TMEM183A: variants seen among roughly 807,000 people sequenced by gnomAD.
The protein encoded by TMEM183A is chromosome 1 open reading frame 37.
Under a neutral mutation model 46.7 loss-of-function variants are expected in TMEM183A, and 21 were observed. The ratio of observed to expected loss-of-function variants is 0.45; its 90% CI spans 0.32 to 0.65. The LOEUF (loss-of-function observed/expected upper bound fraction) is 0.65. Among genes scored for constraint, TMEM183A ranks in the 30% least tolerant of loss-of-function variants. The pLI is 0.04. For synonymous variants in TMEM183A, 165 were observed against 180.2 expected, an observed-to-expected ratio of 0.92 and a Z score of 0.68; for missense variants, 331 against 481.9, an observed-to-expected ratio of 0.69 and a Z score of 2.93.
intron 7 of TMEM183A, 75 bp downstream of exon 7, chr1:203,021,023 AGC>A: frequency 4.4e-6 from 5 of 1,129,680 alleles, no homozygotes; most frequent in East Asian, 3.6e-5. Flanking sequence ...GGTGAACCGC[AGC>A]TCTTTTTTTT....
chr1:203,014,032 C>T (rs893774574), intron 3 of TMEM183A, among the ~76,000 whole-genome samples: 1 of 152,148 alleles, frequency 6.6e-6, no homozygotes, highest in Non-Finnish European at 1.5e-5. Flanking sequence ...GGATTACAGG[C>T]GTGAGCCACT....
chr1:203,015,726 C>CT, intron 4 of TMEM183A: 1 of 542,048 alleles, frequency 1.8e-6, no homozygotes, highest in Non-Finnish European at 3.2e-6. Flanking sequence ...AGAGTTTGCT[C>CT]TTTTGTTCAG....
chr1:203,021,239 T>C (rs1012033480), intron 7 of TMEM183A, among the ~76,000 whole-genome samples: 4 of 152,144 alleles, frequency 2.6e-5, no homozygotes, highest in Non-Finnish European at 4.4e-5. Flanking sequence ...ACAGCGTTGC[T>C]GAGGCTTGTC....
At chr1:203,015,856 G>T in intron 4 of TMEM183A, 104 bp from the exon 5 acceptor site, 1 of 1,421,774 alleles carries the variant, frequency 7.0e-7, no homozygotes. Context: ...CTGGCCAGTG[G>T]AATAGTGCAG....
In TMEM183A at chr1:203,023,316, T is replaced by C. The variant is rs1171692560; in HGVS notation, c.*276T>C. 1 of 208,220 alleles carries C rather than the reference T, an allele frequency of 4.8e-6. No individual in the cohort carries two copies. 12.9% of individuals were successfully genotyped at this position (208,220 alleles called of 1,614,324 possible). On this transcript the variant is annotated 3_prime_UTR_variant, in exon 8 of 8. Transcript: ENST00000367242. Reference sequence around the variant, plus strand: ...TTGGTGCTATTGAGTTTGTTCTTTATTCTTTTATCCCAGTGAAAATTGTTG... The same window carrying C: ...TTGGTGCTATTGAGTTTGTTCTTTACTCTTTTATCCCAGTGAAAATTGTTG...
Position 203,007,677 on chromosome 1 carries a change from C to T in TMEM183A, c.110-97C>T, listed in dbSNP as rs112093936. 8.4e-6 allele frequency: 13 copies of T among 1,550,158 alleles called. No individual in the cohort carries two copies. In the African/African-American group the frequency reaches 9.5e-5, roughly 11 times the overall value. Reference sequence around the variant, plus strand: ...CGCTCGCGTGCCCGCGGCTGGAGGGCGGCTCGGTCCGGGGGCCTGCAGCGA... The same window carrying T: ...CGCTCGCGTGCCCGCGGCTGGAGGGTGGCTCGGTCCGGGGGCCTGCAGCGA... On this transcript the variant is annotated intron_variant, in intron 1 of 7. Coordinates refer to ENST00000367242, the MANE Select transcript of TMEM183A (RefSeq NM_138391.6).
At chr1:203,018,170 G>A (rs1424881756) in intron 5 of TMEM183A, among the ~76,000 whole-genome samples, 1 of 152,212 alleles carries the variant, frequency 6.6e-6, no homozygotes, top group Non-Finnish European at 1.5e-5. Context: ...CAGAGAGGAT[G>A]CTCCAGTCTC....
At chr1:203,010,501 T>C (rs1656466236) in intron 3 of TMEM183A, among the ~76,000 whole-genome samples, 1 of 152,186 alleles carries the variant, frequency 6.6e-6, no homozygotes, top group Non-Finnish European at 1.5e-5. Flanking sequence ...GGTCAAGATA[T>C]TCCAAAATGC....
intron 5 of TMEM183A, 97 bp from the exon 6 acceptor site, chr1:203,018,384 C>A: frequency 7.0e-7 from 1 of 1,424,542 alleles, no homozygotes; most frequent in South Asian, 1.4e-5. Context: ...TTAGAGCTGT[C>A]AAACAGAAAG....
At chr1:203,019,921 A>C (rs991985120) in intron 6 of TMEM183A, among the ~76,000 whole-genome samples, 6 of 146,436 alleles carry the variant, frequency 4.1e-5, no homozygotes, top group Non-Finnish European at 7.5e-5. Flanking sequence ...ATATGGCAAT[A>C]GGTTTATGGG....
intron 5 of TMEM183A, 113 bp from the exon 6 acceptor site, chr1:203,018,368 C>T: frequency 8.1e-7 from 1 of 1,229,478 alleles, no homozygotes; most frequent in Non-Finnish European, 1.1e-6. Context: ...GGGACCGTGG[C>T]TGGCTTTAGA....
intron 5 of TMEM183A, 100 bp downstream of exon 5, chr1:203,016,240 G>C (rs1345122592): frequency 7.8e-6 from 12 of 1,540,564 alleles, no homozygotes; most frequent in Non-Finnish European, 1.1e-5. Flanking sequence ...AGGGGTGTAG[G>C]TCCCAGGCTG....
In TMEM183A at chr1:203,008,796, G is replaced by A. The variant is rs1348689691; in HGVS notation, c.353G>A (p.Ser118Asn). 1 of 1,606,132 alleles carries A rather than the reference G, an allele frequency of 6.2e-7. No individual in the cohort carries two copies. The highest frequency in any genetic ancestry group is 2.3e-5 in the East Asian group (1 of 44,276). The change falls in exon 3 of 8, where the codon AGC (serine) becomes AAC (asparagine). Residue 118 changes from serine (S) to asparagine (N), a missense_variant. Physicochemically the swap from Ser to Asn is conservative, Grantham distance 46. This residue lies in a region of TMEM183A where 233 missense variants were observed against 385.8 expected (regional missense o/e 0.60). Transcript: ENST00000367242. ...HERTVSRKKKSKRHKEELDGA... is the reference protein window; with the variant it reads ...HERTVSRKKKNKRHKEELDGA... The stretch of plus-strand genomic sequence containing the variant: ...AGAACTGTCTCCAGAAAAAAGAAAA[G>A]CAAGAGACACAAAGGTATGGAGCTT...
chr1:203,013,809 G>A lies in TMEM183A; in HGVS notation c.368-1080G>A, dbSNP rs1201865566. ...ATTACAGGCGTGAGCCACCGTGCCC[G>A]GCCTAAGTGCCATCTCAGCTCACTG... is the stretch of plus-strand genomic sequence containing the variant. On this transcript the variant is annotated intron_variant, in intron 3 of 7. Transcript: ENST00000367242. This position sits in a 1 kb window ranked among gnomAD's most constrained non-coding sequence, Gnocchi z 4.0. 6.6e-6 allele frequency among the ~76,000 whole-genome samples: 1 copy of A among 151,680 alleles called. No individual in the cohort carries two copies. Among genetic ancestry groups the A allele is most frequent in the African/African-American group, 2.4e-5 (1 of 41,240 alleles).
In TMEM183A at chr1:203,020,689, G is replaced by A. The variant is rs74136931; in HGVS notation, c.790-104G>A. 6.8e-5 allele frequency: 94 copies of A among 1,379,978 alleles called. 1 individual carries two copies. The African/African-American group carries it at 1.2e-3, about 18-fold the overall frequency. The allele number at this position is 1,379,978 out of a possible 1,614,324, so 85.5% of individuals were successfully genotyped here. A position where few individuals can be genotyped will look rare whatever the true frequency, so the allele number is the denominator to read the frequency against. On this transcript the variant is annotated intron_variant, in intron 6 of 7. Transcript: ENST00000367242. ...ATGTATAAAGAGAGAAGATAAAAGT[G>A]TATCTCACTAGCTTTAGTTGAGCCA...
chr1:203,018,881 C>T (rs1351487554), intron 6 of TMEM183A, among the ~76,000 whole-genome samples: 1 of 152,162 alleles, frequency 6.6e-6, no homozygotes. Context: ...TGAAGACCCT[C>T]TTATAAAGGC....
At chr1:203,008,530 C>A in intron 2 of TMEM183A, 113 bp from the exon 3 acceptor site, 1 of 818,922 alleles carries the variant, frequency 1.2e-6, no homozygotes, top group Non-Finnish European at 1.6e-6. Flanking sequence ...CTTTCTCTCT[C>A]AACGATGTTT....
rs1374165064 is a variant in TMEM183A, at chr1:203,015,115, C to T, written c.527+67C>T. 3.8e-6 allele frequency: 6 copies of T among 1,588,512 alleles called. No homozygotes were observed. In the African/African-American group the frequency reaches 5.4e-5, roughly 14 times the overall value. ...TTTCATTACTGTTTGTGATTTGGAG[C>T]TACTCACTGGATGGTGACCTCTTTT... On this transcript the variant is annotated intron_variant, in intron 4 of 7. Coordinates refer to ENST00000367242, the MANE Select transcript of TMEM183A (RefSeq NM_138391.6).
chr1:203,022,753 G>C (rs965930427), intron 7 of TMEM183A, 102 bp from the exon 8 acceptor site: 57 of 1,468,004 alleles, frequency 3.9e-5, no homozygotes, highest in Non-Finnish European at 3.8e-6. Flanking sequence ...TTAATCTTGT[G>C]GCCTAGCCAG....
Sources: allele counts gnomAD v4.1 joint callset (sites outside exome capture counted in the v4.1 genomes callset), GRCh38; gene constraint gnomAD v4.1.1; regional missense constraint gnomAD v4.1.1; non-coding constraint Gnocchi (gnomAD v3.1); transcripts MANE v1.5; gene names NCBI Gene and HGNC (gene_info 2026-07-23, HGNC 2026-07-21).